AGO4: variants seen among roughly 807,000 people sequenced by gnomAD.
AGO4 encodes argonaute RISC component 4.
AGO4 carries 33 observed loss-of-function variants against 104.7 expected under a neutral mutation model. The ratio of observed to expected loss-of-function variants is 0.32; its 90% CI spans 0.24 to 0.42. The LOEUF is 0.42. Among genes scored for constraint, AGO4 ranks in the 10% least tolerant of loss-of-function variants. The probability of loss-of-function intolerance (pLI) is 1.00; values close to 1 mark genes in which losing one functional copy is unlikely to be tolerated. For synonymous variants in AGO4, 331 were observed against 364.7 expected, an observed-to-expected ratio of 0.91 and a Z score of 1.05; for missense variants, 711 against 1,083.4, an observed-to-expected ratio of 0.66 and a Z score of 4.83.
intron 15 of AGO4, among the ~76,000 whole-genome samples, chr1:35,847,237 C>T (rs1644592952): frequency 7.1e-6 from 1 of 141,674 alleles, no homozygotes; most frequent in Non-Finnish European, 1.6e-5. Context: ...TGTTTTTGGT[C>T]TTTTTTTTTT....
rs1644789058 is a variant in AGO4 at position 35,855,101 on chromosome 1, T to C, written c.*1496T>C. On this transcript the variant is annotated 3_prime_UTR_variant, in exon 18 of 18. Transcript: ENST00000373210. ...GAATGGACAACAGTTACATAGTGTC[T>C]TGGTAGCACCAGCCAGTGTTTCCCA... 1 of 152,444 alleles carries C rather than the reference T, an allele frequency of 6.6e-6. No homozygotes were observed. The highest frequency in any genetic ancestry group is 2.4e-5 in the African/African-American group (1 of 41,438). 9.4% of individuals were successfully genotyped at this position (152,444 alleles called of 1,614,324 possible). A position where few individuals can be genotyped will look rare whatever the true frequency, so the allele number is the denominator to read the frequency against.
chr1:35,830,645 T>G (rs1644158919), intron 7 of AGO4, among the ~76,000 whole-genome samples: 1 of 152,204 alleles, frequency 6.6e-6, no homozygotes, highest in East Asian at 1.9e-4. Context: ...GGTTAAATAC[T>G]AAACTTACTT....
chr1:35,838,475 CCATGCCTGGTCAA>C (rs1346761307), intron 13 of AGO4, among the ~76,000 whole-genome samples: 1 of 152,190 alleles, frequency 6.6e-6, no homozygotes, highest in Non-Finnish European at 1.5e-5. Flanking sequence ...ACGTGAGCCA[CCATGCCTGGTCAA>C]CAGTGGCTTT....
intron 17 of AGO4, 28 bp from the exon 18 acceptor site, chr1:35,853,469 G>A: frequency 6.4e-7 from 1 of 1,558,526 alleles, no homozygotes; most frequent in Non-Finnish European, 8.7e-7. Context: ...GTTTTGCTTT[G>A]TTTTGTTTTG....
Position 35,853,477 on chromosome 1 carries a change from T to G in AGO4, c.2478-20T>G. 1 of 1,571,038 alleles carries G rather than the reference T, an allele frequency of 6.4e-7. No individual in the cohort carries two copies. On this transcript the variant is annotated intron_variant, in intron 17 of 17. Transcript: ENST00000373210. ...TTTGTTTGTTTTGCTTTGTTTTGTT[T>G]TGTTTTATTCTCTTTACAGTGCGGA...
chr1:35,835,584 G>C (rs1410426034), intron 12 of AGO4, among the ~76,000 whole-genome samples: 1 of 152,098 alleles, frequency 6.6e-6, no homozygotes, highest in African/African-American at 2.4e-5. Context: ...GCAGCACAGA[G>C]AATAAAGGAA....
intron 2 of AGO4, among the ~76,000 whole-genome samples, chr1:35,818,532 G>T (rs1295880902): frequency 1.3e-5 from 2 of 152,076 alleles, no homozygotes; most frequent in Non-Finnish European, 2.9e-5. Flanking sequence ...GCTGAGGCAG[G>T]AGAATCACTT....
Position 35,841,572 on chromosome 1 carries a change from T to A in AGO4, c.2041-44T>A. ...CATTCTGGGTAGATCTGAGAGATAC[T>A]AGGCAAATTCTCAATTAAACATAAT... On this transcript the variant is annotated intron_variant, in intron 14 of 17. Transcript: ENST00000373210. This position sits in a 1 kb window ranked among gnomAD's most constrained non-coding sequence, Gnocchi z 4.7. 6.2e-7 allele frequency: 1 copy of A among 1,613,482 alleles called. No homozygotes were observed. Among genetic ancestry groups the A allele is most frequent in the Non-Finnish European group, 8.5e-7 (1 of 1,179,582 alleles).
rs749368649 is a variant in AGO4, at chr1:35,850,819, A to AC, written c.2278-35_2278-34insC. 47 of 1,527,784 alleles carry AC rather than the reference A, an allele frequency of 3.1e-5. 1 individual carries two copies. The highest frequency in any genetic ancestry group is 1.3e-4 in the South Asian group (11 of 82,046). The allele number at this position is 1,527,784 out of a possible 1,614,324, so 94.6% of individuals were successfully genotyped here. ...AAAAAACAAAAACAAAAAACGAACA[A>AC]AAAAAAAACATTAATCATAAAACTC... On this transcript the variant is annotated intron_variant, in intron 16 of 17. Coordinates refer to ENST00000373210, the MANE Select transcript of AGO4 (RefSeq NM_017629.4).
At position 35,835,006 on chromosome 1, in the gene AGO4, C is replaced by CTTTTATTTTTT. The variant is rs1644274494; in HGVS notation, c.1565-824_1565-823insATTTTTTTTTT. On this transcript the variant is annotated intron_variant, in intron 12 of 17. Coordinates refer to ENST00000373210, the MANE Select transcript of AGO4 (RefSeq NM_017629.4). ...GCCAGCACGCCCAGCCAGTTTTAAACTTTTTTTTTTTTTTTTTTTTTTGAG... is the reference window on the plus strand; with the variant it reads ...GCCAGCACGCCCAGCCAGTTTTAAACTTTTATTTTTTTTTTTTTTTTTTTTTTTTTTTTGAG... Among the ~76,000 whole-genome samples the CTTTTATTTTTT allele has an allele frequency of 2.9e-5, 3 of 102,974 alleles. No individual in the cohort carries two copies. The Admixed American group carries it at 3.5e-4, about 12-fold the overall frequency. The allele number at this position is 102,974 out of a possible 152,430, so 67.6% of individuals were successfully genotyped here. A position where few individuals can be genotyped will look rare whatever the true frequency, so the allele number is the denominator to read the frequency against.
intron 3 of AGO4, 75 bp from the exon 4 acceptor site, chr1:35,825,238 T>C: frequency 6.9e-7 from 1 of 1,450,150 alleles, no homozygotes; most frequent in Non-Finnish European, 9.5e-7. Context: ...GCATGTATCA[T>C]ACTGCATATT....
chr1:35,840,599 T>C (rs1339649175), intron 13 of AGO4, among the ~76,000 whole-genome samples: 1 of 151,738 alleles, frequency 6.6e-6, no homozygotes, highest in Non-Finnish European at 1.5e-5. Flanking sequence ...ACGCCCGGCC[T>C]CTTTTCTTTT....
rs1644428639 is a variant in AGO4 at position 35,841,001 on chromosome 1, G to A, written c.1725-164G>A. ...AGTCAGTCCAGAGTCACTGTACTGG[G>A]TGACATCAATATTCAGTGGTCCGTA... On this transcript the variant is annotated intron_variant, in intron 13 of 17. Coordinates refer to ENST00000373210, the MANE Select transcript of AGO4 (RefSeq NM_017629.4). This position sits in a 1 kb window ranked among gnomAD's most constrained non-coding sequence, Gnocchi z 4.7. 1.3e-5 allele frequency among the ~76,000 whole-genome samples: 2 copies of A among 152,172 alleles called. No homozygotes were observed. Among genetic ancestry groups the A allele is most frequent in the African/African-American group, 4.8e-5 (2 of 41,440 alleles).
chr1:35,838,954 C>T (rs1202933911), intron 13 of AGO4, among the ~76,000 whole-genome samples: 2 of 151,776 alleles, frequency 1.3e-5, no homozygotes, highest in Non-Finnish European at 2.9e-5. Flanking sequence ...CATATTTTGT[C>T]AACTTGATTA....
At chr1:35,833,931 G>A (rs964841066) in intron 11 of AGO4, 59 bp from the exon 12 acceptor site, 43 of 1,281,038 alleles carry the variant, frequency 3.4e-5, no homozygotes, top group Non-Finnish European at 4.4e-5. Flanking sequence ...AGAGGAAAAT[G>A]AATGCTAGAA....
At chr1:35,826,644 T>G (rs543499971) in intron 6 of AGO4, 104 bp from the exon 7 acceptor site, 3 of 1,055,260 alleles carry the variant, frequency 2.8e-6, no homozygotes, top group African/African-American at 3.2e-5. Flanking sequence ...TCTTGCAATT[T>G]TTATCCTGTA....
chr1:35,823,245 C>A (rs1223496381), intron 3 of AGO4, among the ~76,000 whole-genome samples: 1 of 151,124 alleles, frequency 6.6e-6, no homozygotes, highest in East Asian at 1.9e-4. Context: ...CACATCAATT[C>A]TTAGAAATTT....
intron 11 of AGO4, among the ~76,000 whole-genome samples, chr1:35,833,246 T>C (rs971710678): frequency 2.0e-5 from 3 of 151,718 alleles, no homozygotes; most frequent in African/African-American, 7.3e-5. Context: ...ACCACTGCAC[T>C]CCAGCCTCGC....
chr1:35,832,197 A>T lies in AGO4; in HGVS notation c.1245+12A>T, dbSNP rs543897353. The T allele has an allele frequency of 1.9e-6, 3 of 1,609,136 alleles. No individual in the cohort carries two copies. The East Asian group carries it at 6.7e-5, about 36-fold the overall frequency. ...AATATGGAGGCCGGGTAAGCTTTTTATTTTATTCAGCAAGCTTCTTCCACA... is the reference window on the plus strand; with the variant it reads ...AATATGGAGGCCGGGTAAGCTTTTTTTTTTATTCAGCAAGCTTCTTCCACA... On this transcript the variant is annotated intron_variant, in intron 10 of 17. Coordinates refer to ENST00000373210, the MANE Select transcript of AGO4 (RefSeq NM_017629.4).
Sources: gnomAD v4.1 joint callset for allele counts (sites outside exome capture counted in the v4.1 genomes callset) on GRCh38, gnomAD v4.1.1 for gene constraint, Gnocchi (gnomAD v3.1) non-coding constraint, MANE v1.5 for transcripts, NCBI Gene and HGNC (gene_info 2026-07-23, HGNC 2026-07-21) for gene names.